RBBP8: variants seen among roughly 807,000 people sequenced by gnomAD.
RBBP8 encodes the protein RB binding protein 8, endonuclease.
A neutral mutation model predicts 108.3 loss-of-function variants in RBBP8; 88 were observed. That is an observed-to-expected ratio of 0.81 (90% CI 0.68 to 0.97). RBBP8 has a LOEUF of 0.97. Ranked by LOEUF, RBBP8 falls within the 50% of genes least tolerant of loss-of-function variation. The probability of loss-of-function intolerance (pLI) is 0.00; values close to 1 mark genes in which losing one functional copy is unlikely to be tolerated. For synonymous variants in RBBP8, 332 were observed against 348.2 expected, an observed-to-expected ratio of 0.95 and a Z score of 0.52; for missense variants, 1,023 against 1,049.0, an observed-to-expected ratio of 0.98 and a Z score of 0.34.
intron 4 of RBBP8, among the ~76,000 whole-genome samples, chr18:22,959,573 C>G (rs1026618439): frequency 2.6e-5 from 4 of 152,052 alleles, no homozygotes; most frequent in African/African-American, 9.7e-5. Flanking sequence ...TTTTTATCAT[C>G]TTTTCTCTTA....
In RBBP8 at chr18:22,924,466, T is replaced by A. The variant is rs998342947; in HGVS notation, c.-153-4917T>A. On this transcript the variant is annotated intron_variant, in intron 3 of 4. Coordinates refer to the RBBP8 transcript ENST00000577588. The stretch of plus-strand genomic sequence containing the variant: ...TAAAAAGAAAAATGTACTTGCTCTG[T>A]CACCCAGGTTGGAGTACAGTGCATG... 3.2e-4 allele frequency among the ~76,000 whole-genome samples: 49 copies of A among 151,972 alleles called. 1 individual carries two copies. Among genetic ancestry groups the A allele is most frequent in the African/African-American group, 9.9e-4 (41 of 41,350 alleles).
intron 3 of RBBP8, among the ~76,000 whole-genome samples, chr18:22,927,561 G>A (rs1440449251): frequency 6.6e-6 from 1 of 152,106 alleles, no homozygotes; most frequent in Non-Finnish European, 1.5e-5. Flanking sequence ...AGTCTAAACT[G>A]AGATGTGCTG....
intron 18 of RBBP8, among the ~76,000 whole-genome samples, chr18:23,025,365 G>A (rs1243408741): frequency 6.6e-6 from 1 of 152,196 alleles, no homozygotes; most frequent in Non-Finnish European, 1.5e-5. Flanking sequence ...TTTTGGAGAC[G>A]CTCCAGATGT....
intron 3 of RBBP8, among the ~76,000 whole-genome samples, chr18:22,925,489 T>C (rs1318627771): frequency 1.3e-5 from 2 of 152,164 alleles, no homozygotes; most frequent in Admixed American, 1.3e-4. Context: ...CAAGCATAAT[T>C]AGAATAAAGA....
At chr18:23,022,302 A>AT (rs750972160) in intron 18 of RBBP8, 32 bp downstream of exon 18, 6 of 1,577,624 alleles carry the variant, frequency 3.8e-6, no homozygotes, top group South Asian at 1.1e-5. Context: ...TTTTATAATT[A>AT]TTTTTTTTAA....
At chr18:22,926,402 G>C (rs991917941) in intron 3 of RBBP8, among the ~76,000 whole-genome samples, 3 of 152,164 alleles carry the variant, frequency 2.0e-5, no homozygotes, top group Non-Finnish European at 2.9e-5. Flanking sequence ...CAGCATGGGG[G>C]ATAAGAGCAA....
intron 2 of RBBP8, among the ~76,000 whole-genome samples, chr18:22,915,881 A>G (rs1281699814): frequency 6.6e-6 from 1 of 152,094 alleles, no homozygotes; most frequent in African/African-American, 2.4e-5. Flanking sequence ...TATAAAATCC[A>G]TGGGTAAAAT....
At chr18:23,004,767 G>C (rs1324311470) in intron 15 of RBBP8, 1 of 152,264 alleles carries the variant, frequency 6.6e-6, no homozygotes, top group Non-Finnish European at 1.5e-5. Flanking sequence ...TTCAAAAATG[G>C]AGCAGGTCAA....
chr18:22,972,214 G>A (rs988971461), intron 5 of RBBP8, among the ~76,000 whole-genome samples: 4 of 150,550 alleles, frequency 2.7e-5, no homozygotes, highest in Non-Finnish European at 5.9e-5. Flanking sequence ...AAAATTAGCC[G>A]GGCATGGTGG....
chr18:23,009,225 T>A (rs2046113357), intron 16 of RBBP8, among the ~76,000 whole-genome samples: 1 of 152,134 alleles, frequency 6.6e-6, no homozygotes. Context: ...GCCACCAACA[T>A]AATTCCTTAA....
intron 7 of RBBP8, among the ~76,000 whole-genome samples, chr18:22,984,379 A>C (rs1482687137): frequency 6.6e-6 from 1 of 152,168 alleles, no homozygotes; most frequent in East Asian, 1.9e-4. Context: ...TTGATTGATC[A>C]TTTGTTTATT....
At chr18:22,914,540 T>C (rs1282812565) in intron 1 of RBBP8, among the ~76,000 whole-genome samples, 1 of 152,226 alleles carries the variant, frequency 6.6e-6, no homozygotes, top group Non-Finnish European at 1.5e-5. Flanking sequence ...TGCATGGCTA[T>C]AGTCATTTTA....
At chr18:22,965,153 T>G (rs571873034) in intron 4 of RBBP8, among the ~76,000 whole-genome samples, 3 of 152,270 alleles carry the variant, frequency 2.0e-5, no homozygotes, top group African/African-American at 7.2e-5. Flanking sequence ...GCATTGGCAT[T>G]TTTTCTTTTT....
chr18:22,996,350 G>T (rs2144721914), intron 12 of RBBP8, 24 bp from the exon 13 acceptor site: 1 of 1,611,966 alleles, frequency 6.2e-7, no homozygotes, highest in East Asian at 2.2e-5. Context: ...TTTTTTAATT[G>T]CATGCTCTTT....
chr18:22,970,027 C>T (rs1287411741), intron 5 of RBBP8, among the ~76,000 whole-genome samples: 1 of 152,136 alleles, frequency 6.6e-6, no homozygotes, highest in Non-Finnish European at 1.5e-5. Flanking sequence ...GCTCAAGTAC[C>T]TTATATAAAG....
intron 5 of RBBP8, among the ~76,000 whole-genome samples, chr18:22,971,148 TAAA>T (rs11340946): frequency 2.1e-5 from 3 of 145,394 alleles, no homozygotes; most frequent in African/African-American, 5.0e-5. Context: ...GGAGAGTCTT[TAAA>T]AAAAAAAAAA....
chr18:22,980,714 G>GTTT (rs78281669), intron 6 of RBBP8, among the ~76,000 whole-genome samples: 1 of 136,874 alleles, frequency 7.3e-6, no homozygotes, highest in Non-Finnish European at 1.6e-5. Context: ...TCTTTTTGGG[G>GTTT]TTTTTTTTTT....
intron 2 of RBBP8, among the ~76,000 whole-genome samples, chr18:22,938,568 A>G (rs1910779672): frequency 6.6e-6 from 1 of 152,202 alleles, no homozygotes; most frequent in Non-Finnish European, 1.5e-5. Flanking sequence ...ACCACAGAAC[A>G]TAGTTTGTAT....
intron 4 of RBBP8, among the ~76,000 whole-genome samples, chr18:22,959,722 A>G (rs538881346): frequency 6.6e-6 from 1 of 151,118 alleles, no homozygotes; most frequent in African/African-American, 2.4e-5. Flanking sequence ...GTATATTTAT[A>G]TGTGTGTGTG....
Sources: gnomAD v4.1 joint callset for allele counts (sites outside exome capture counted in the v4.1 genomes callset) on GRCh38, gnomAD v4.1.1 for gene constraint, MANE v1.5 for transcripts, NCBI Gene and HGNC (gene_info 2026-07-23, HGNC 2026-07-21) for gene names.